Variants in ARID1B observed in about 807,000 individuals in gnomAD.
The protein encoded by ARID1B is AT-rich interaction domain 1B.
In ARID1B, 30 loss-of-function variants were observed where a neutral mutation model predicts 212.3. That is an observed-to-expected ratio of 0.14 (90% CI 0.11 to 0.19). The LOEUF (loss-of-function observed/expected upper bound fraction) is 0.19, where lower values mean the gene tolerates loss of function less well. Ranked by LOEUF, ARID1B falls within the 10% of genes least tolerant of loss-of-function variation. ARID1B has a pLI of 1.00. For missense variants in ARID1B, 2,891 were observed against 3,204.0 expected (o/e 0.90, Z 2.36); for synonymous variants, 1,402 against 1,301.7 (o/e 1.08, Z -1.66).
intron 6 of ARID1B, among the ~76,000 whole-genome samples, chr6:157,123,228 C>A (rs1198856375): frequency 1.2e-3 from 18 of 14,424 alleles, no homozygotes; most frequent in Non-Finnish European, 1.8e-3. Context: ...TTCTCTCCCC[C>A]CCGCCCCCCG....
intron 1 of ARID1B, among the ~76,000 whole-genome samples, chr6:156,785,573 C>A: frequency 6.6e-6 from 1 of 151,872 alleles, no homozygotes; most frequent in Middle Eastern, 3.2e-3. Context: ...ATACAACTTA[C>A]CATTTGAACC....
At chr6:157,158,791 C>T (rs1790730552) in intron 8 of ARID1B, among the ~76,000 whole-genome samples, 1 of 152,066 alleles carries the variant, frequency 6.6e-6, no homozygotes, top group Non-Finnish European at 1.5e-5. Flanking sequence ...AAGTAATAGC[C>T]CTCCTTGGAA....
At chr6:156,838,647 T>A (rs1783673780) in intron 2 of ARID1B, among the ~76,000 whole-genome samples, 1 of 151,692 alleles carries the variant, frequency 6.6e-6, no homozygotes, top group Non-Finnish European at 1.5e-5. Context: ...CAAACCAACA[T>A]GGCACATGTA....
In ARID1B at chr6:157,006,005, C is replaced by T. The variant is rs1345467526; in HGVS notation, c.2247+70429C>T. Among the ~76,000 whole-genome samples the T allele has an allele frequency of 2.0e-5, 3 of 152,014 alleles. No homozygotes were observed. The East Asian group carries it at 5.8e-4, about 29-fold the overall frequency. On this transcript the variant is annotated intron_variant, in intron 4 of 19. Transcript: ENST00000636930. ...CTCTTTTCTCTCTGTCTTCCCTTGCCCTTCCTTCTATTCCCCTTCTTATTC... is the reference window on the plus strand; with the variant it reads ...CTCTTTTCTCTCTGTCTTCCCTTGCTCTTCCTTCTATTCCCCTTCTTATTC...
At chr6:156,900,405 G>A (rs1788822643) in intron 2 of ARID1B, among the ~76,000 whole-genome samples, 1 of 152,040 alleles carries the variant, frequency 6.6e-6, no homozygotes, top group Non-Finnish European at 1.5e-5. Flanking sequence ...TATTTCTATA[G>A]TGGATTTGGG....
At chr6:156,963,870 T>G (rs1290161958) in intron 4 of ARID1B, among the ~76,000 whole-genome samples, 1 of 152,254 alleles carries the variant, frequency 6.6e-6, no homozygotes, top group East Asian at 1.9e-4. Flanking sequence ...TACAATAATC[T>G]CTAGCATGAA....
At chr6:156,939,772 G>A (rs1792527088) in intron 4 of ARID1B, 1 of 151,408 alleles carries the variant, frequency 6.6e-6, no homozygotes, top group East Asian at 1.9e-4. Context: ...GAAAAGAAGT[G>A]GACACTTTGG....
intron 4 of ARID1B, chr6:156,985,024 T>G (rs1777841530): frequency 6.6e-6 from 1 of 152,136 alleles, no homozygotes; most frequent in Non-Finnish European, 1.5e-5. Flanking sequence ...AGACTGAGAG[T>G]AAGACTTCAT....
intron 5 of ARID1B, among the ~76,000 whole-genome samples, chr6:157,095,057 A>G (rs75567555): frequency 0.038 from 5,758 of 152,220 alleles, 350 homozygotes; most frequent in African/African-American, 0.13. Flanking sequence ...GGTGGGAAAA[A>G]TGAGTGTGTG....
At chr6:156,846,911 C>G (rs2128099488) in intron 2 of ARID1B, among the ~76,000 whole-genome samples, 1 of 152,312 alleles carries the variant, frequency 6.6e-6, no homozygotes, top group Non-Finnish European at 1.5e-5. Context: ...TAGCTTGCTT[C>G]TTATCCTGTC....
chr6:157,080,474 A>G (rs955386050), intron 4 of ARID1B, among the ~76,000 whole-genome samples: 2 of 152,222 alleles, frequency 1.3e-5, no homozygotes, highest in Non-Finnish European at 2.9e-5. Context: ...ATCTGTAGGC[A>G]TGAGAGAGTC....
At chr6:156,973,467 T>C (rs540827924) in intron 4 of ARID1B, among the ~76,000 whole-genome samples, 2 of 152,278 alleles carry the variant, frequency 1.3e-5, no homozygotes, top group African/African-American at 4.8e-5. Context: ...ATATGTAGGG[T>C]TATTTTACTT....
chr6:156,882,615 C>T (rs1394393801), intron 2 of ARID1B, among the ~76,000 whole-genome samples: 1 of 152,168 alleles, frequency 6.6e-6, no homozygotes, highest in African/African-American at 2.4e-5. Flanking sequence ...AAATATAGCA[C>T]GGTTCCCATC....
At chr6:156,969,426 C>T (rs1776766955) in intron 4 of ARID1B, among the ~76,000 whole-genome samples, 1 of 152,160 alleles carries the variant, frequency 6.6e-6, no homozygotes, top group Non-Finnish European at 1.5e-5. Context: ...TGGTATCTGT[C>T]TTAAGACAAC....
intron 4 of ARID1B, chr6:156,976,448 T>C (rs1417702023): frequency 5.9e-6 from 1 of 168,150 alleles, no homozygotes; most frequent in Non-Finnish European, 1.3e-5. Context: ...CCGGGGGACT[T>C]TTGCAAGAGA....
intron 3 of ARID1B, among the ~76,000 whole-genome samples, chr6:156,919,618 G>T (rs1461045523): frequency 6.6e-6 from 1 of 152,208 alleles, no homozygotes; most frequent in Non-Finnish European, 1.5e-5. Flanking sequence ...GATCACATCA[G>T]CTGGGCATGA....
At chr6:157,143,929 G>A (rs1057399552) in intron 7 of ARID1B, among the ~76,000 whole-genome samples, 1 of 152,210 alleles carries the variant, frequency 6.6e-6, no homozygotes, top group African/African-American at 2.4e-5. Context: ...GAAATAGATT[G>A]GCACCCCTGG....
At chr6:156,847,229 T>A (rs1784291329) in intron 2 of ARID1B, among the ~76,000 whole-genome samples, 1 of 152,168 alleles carries the variant, frequency 6.6e-6, no homozygotes. Context: ...TGCCAGAGTT[T>A]TCAGTGTCTC....
chr6:156,828,518 G>A (rs1234202080), intron 1 of ARID1B, among the ~76,000 whole-genome samples: 1 of 152,160 alleles, frequency 6.6e-6, no homozygotes, highest in African/African-American at 2.4e-5. Flanking sequence ...TCCACGCCTA[G>A]CCCTCCTGTA....
Sources: gnomAD v4.1 joint callset for allele counts (sites outside exome capture counted in the v4.1 genomes callset) on GRCh38, gnomAD v4.1.1 for gene constraint, MANE v1.5 for transcripts, NCBI Gene and HGNC (gene_info 2026-07-23, HGNC 2026-07-21) for gene names.